CACNA1E: variants seen among roughly 807,000 people sequenced by gnomAD.
The protein encoded by CACNA1E is voltage-dependent R-type calcium channel subunit alpha-1E.
In CACNA1E, 40 loss-of-function variants were observed where a neutral mutation model predicts 259.2. That is an observed-to-expected ratio of 0.15 (90% CI 0.12 to 0.20). CACNA1E has a LOEUF of 0.20. Ranked by LOEUF, CACNA1E falls within the 10% of genes least tolerant of loss-of-function variation. The pLI is 1.00. For missense variants in CACNA1E, 1,874 were observed against 3,040.1 expected (o/e 0.62, Z 9.02); for synonymous variants, 1,104 against 1,138.5 (o/e 0.97, Z 0.61).
intron 22 of CACNA1E, 53 bp downstream of exon 22, chr1:181,736,487 G>A: frequency 2.0e-6 from 3 of 1,522,974 alleles, no homozygotes; most frequent in Non-Finnish European, 2.7e-6. Flanking sequence ...ACGGCCAGGT[G>A]TGAGGCAGGG....
chr1:181,758,715 T>C lies in CACNA1E; in HGVS notation c.4495-43T>C, dbSNP rs759679694. 8.7e-7 allele frequency: 1 copy of C among 1,155,502 alleles called. No individual in the cohort carries two copies. The highest frequency in any genetic ancestry group is 1.3e-5 in the South Asian group (1 of 78,078). The allele number at this position is 1,155,502 out of a possible 1,614,324, so 71.6% of individuals were successfully genotyped here. A position where few individuals can be genotyped will look rare whatever the true frequency, so the allele number is the denominator to read the frequency against. On this transcript the variant is annotated intron_variant, in intron 31 of 47. Coordinates refer to ENST00000367573, the MANE Select transcript of CACNA1E (RefSeq NM_001205293.3). This position sits in a 1 kb window ranked among gnomAD's most constrained non-coding sequence, Gnocchi z 4.2. ...AGTGACATGTATTCCCCCTCTTACC[T>C]TAAGGCTGTGATTCTTTCTCTCTTC...
At chr1:181,462,493 A>G (rs1044369056) in intron 2 of CACNA1E, among the ~76,000 whole-genome samples, 1 of 152,218 alleles carries the variant, frequency 6.6e-6, no homozygotes, top group Non-Finnish European at 1.5e-5. Flanking sequence ...TTTGTATAGA[A>G]AACAAGAGAC....
At chr1:181,577,561 T>A (rs1018856358) in intron 3 of CACNA1E, among the ~76,000 whole-genome samples, 1 of 152,210 alleles carries the variant, frequency 6.6e-6, no homozygotes, top group African/African-American at 2.4e-5. Context: ...TAAGTTTTCC[T>A]TCTTTGCAAA....
At chr1:181,359,446 G>A (rs1229090388) in intron 1 of CACNA1E, among the ~76,000 whole-genome samples, 1 of 152,200 alleles carries the variant, frequency 6.6e-6, no homozygotes, top group Non-Finnish European at 1.5e-5. Flanking sequence ...ACAGAAGTTT[G>A]AACATGGCAT....
At chr1:181,600,616 T>C (rs1469058560) in intron 6 of CACNA1E, among the ~76,000 whole-genome samples, 2 of 152,062 alleles carry the variant, frequency 1.3e-5, no homozygotes, top group African/African-American at 4.8e-5. Flanking sequence ...TTCAGCTACA[T>C]TAATCTGTTA....
At chr1:181,506,426 C>A (rs1665718313) in intron 1 of CACNA1E, among the ~76,000 whole-genome samples, 1 of 152,190 alleles carries the variant, frequency 6.6e-6, no homozygotes, top group Non-Finnish European at 1.5e-5. Flanking sequence ...AGTGGGTGAG[C>A]AAAGCCCTGT....
intron 1 of CACNA1E, among the ~76,000 whole-genome samples, chr1:181,488,774 G>C (rs1664063331): frequency 6.6e-6 from 1 of 152,144 alleles, no homozygotes; most frequent in African/African-American, 2.4e-5. Context: ...ATTAAAGGAG[G>C]AAGAGGAAAG....
chr1:181,780,262 A>T (rs984618179), intron 38 of CACNA1E, among the ~76,000 whole-genome samples: 3 of 152,272 alleles, frequency 2.0e-5, no homozygotes, highest in South Asian at 2.1e-4. Context: ...GCTGTGAGGG[A>T]TCTGAGGGAG....
chr1:181,453,907 C>T (rs961309650), intron 2 of CACNA1E, among the ~76,000 whole-genome samples: 14 of 152,230 alleles, frequency 9.2e-5, no homozygotes, highest in Non-Finnish European at 1.5e-4. Context: ...ACCAGATCCA[C>T]AGCAGGGAGA....
chr1:181,716,091 A>C lies in CACNA1E; in HGVS notation c.1277A>C (p.Asp426Ala). The change falls in exon 10 of 48, where the codon GAC (aspartate) becomes GCC (alanine). Residue 426 changes from aspartate (D) to alanine (A), a missense_variant. This residue lies in a region of CACNA1E where 157 missense variants were observed against 203.5 expected (regional missense o/e 0.77). Coordinates refer to ENST00000367573, the MANE Select transcript of CACNA1E (RefSeq NM_001205293.3). The stretch of plus-strand genomic sequence containing the variant: ...AGCCGGACAGAGGCCATGACTCGAG[A>C]CTCCAGTGATGAGCACTGTGTTGAT... ...KRSRTEAMTR[D>A]SSDEHCVDIS... The C allele has an allele frequency of 6.4e-7, 1 of 1,572,872 alleles. No homozygotes were observed. Among genetic ancestry groups the C allele is most frequent in the South Asian group, 1.2e-5 (1 of 85,238 alleles).
chr1:181,671,963 T>C (rs1159218111), intron 7 of CACNA1E, among the ~76,000 whole-genome samples: 1 of 152,174 alleles, frequency 6.6e-6, no homozygotes, highest in Non-Finnish European at 1.5e-5. Context: ...CTATTTACAA[T>C]AGCAAAGACA....
intron 2 of CACNA1E, among the ~76,000 whole-genome samples, chr1:181,416,032 G>A (rs1016836048): frequency 3.9e-5 from 6 of 152,178 alleles, no homozygotes; most frequent in African/African-American, 7.2e-5. Flanking sequence ...CTCTGTCCTC[G>A]CTTCAAGGCA....
At chr1:181,347,272 T>C (rs151259121) in intron 1 of CACNA1E, among the ~76,000 whole-genome samples, 1 of 152,328 alleles carries the variant, frequency 6.6e-6, no homozygotes, top group African/African-American at 2.4e-5. Flanking sequence ...TCTAATTTTC[T>C]GTAAAGCATG....
intron 7 of CACNA1E, among the ~76,000 whole-genome samples, chr1:181,678,636 G>A (rs1301441134): frequency 6.6e-6 from 1 of 152,158 alleles, no homozygotes; most frequent in East Asian, 1.9e-4. Context: ...CTGATTTGAA[G>A]GTTTTGGAAG....
At position 181,356,484 on chromosome 1, in the gene CACNA1E, A is replaced by G. The variant is rs1444062464; in HGVS notation, c.-15+38361A>G. Reference sequence around the variant, plus strand: ...AGATTTTATGCCTCACACTTGGGACACAAATATGCAAGAAAGACTCTTGGT... The same window carrying G: ...AGATTTTATGCCTCACACTTGGGACGCAAATATGCAAGAAAGACTCTTGGT... On this transcript the variant is annotated intron_variant, in intron 1 of 11. Coordinates refer to the CACNA1E transcript ENST00000524607. Among the ~76,000 whole-genome samples, 5 of 152,200 alleles carry G rather than the reference A, an allele frequency of 3.3e-5. No individual in the cohort carries two copies. In the East Asian group the frequency reaches 9.6e-4, roughly 29 times the overall value.
chr1:181,502,487 C>T (rs1665333699), intron 1 of CACNA1E, among the ~76,000 whole-genome samples: 1 of 152,108 alleles, frequency 6.6e-6, no homozygotes, highest in African/African-American at 2.4e-5. Context: ...GGCCAAGACT[C>T]CTTGCACCAT....
chr1:181,778,801 C>T (rs1308169580), intron 38 of CACNA1E, among the ~76,000 whole-genome samples: 2 of 152,274 alleles, frequency 1.3e-5, no homozygotes, highest in East Asian at 3.9e-4. Context: ...TCTCTGAACA[C>T]AGACCTCAGC....
intron 39 of CACNA1E, 48 bp from the exon 40 acceptor site, chr1:181,783,631 C>T: frequency 1.0e-6 from 1 of 965,654 alleles, no homozygotes; most frequent in Non-Finnish European, 1.6e-6. Flanking sequence ...AGATGTCTTT[C>T]AATTTTTTTT....
chr1:181,733,734 C>T lies in CACNA1E; in HGVS notation c.3246C>T (p.Asp1082=), dbSNP rs1010093735. The change falls in exon 21 of 48, where the codon GAC becomes GAT. Residue 1082 remains aspartate, a synonymous_variant. Coordinates refer to ENST00000367573, the MANE Select transcript of CACNA1E (RefSeq NM_001205293.3). ...TCCCCGACGTGGACCCCTTGGTGGA[C>T]TCAACCGTGGTGCACAGTGAGAGCA... ...VAIPDVDPLV[D]STVVHISNKT... is the part of the protein sequence containing the mutation. The T allele has an allele frequency of 6.4e-7, 1 of 1,566,390 alleles. No individual in the cohort carries two copies. The highest frequency in any genetic ancestry group is 8.7e-7 in the Non-Finnish European group (1 of 1,155,404).
Sources: gnomAD v4.1 joint callset for allele counts (sites outside exome capture counted in the v4.1 genomes callset) on GRCh38, gnomAD v4.1.1 for gene constraint, gnomAD v4.1.1 regional missense constraint, Gnocchi (gnomAD v3.1) non-coding constraint, MANE v1.5 for transcripts, NCBI Gene and HGNC (gene_info 2026-07-23, HGNC 2026-07-21) for gene names.